Variants in STX18 observed in about 807,000 individuals in gnomAD.
STX18 encodes syntaxin-18.
STX18 carries 40 observed loss-of-function variants against 50.1 expected under a neutral mutation model. That is an observed-to-expected ratio of 0.80 (90% CI 0.62 to 1.04). The LOEUF is 1.04. Ranked by LOEUF, STX18 falls within the 50% of genes least tolerant of loss-of-function variation. The probability of loss-of-function intolerance (pLI) is 0.00; values close to 1 mark genes in which losing one functional copy is unlikely to be tolerated. For missense variants in STX18, 410 were observed against 415.8 expected, an observed-to-expected ratio of 0.99 and a Z score of 0.12; for synonymous variants, 158 against 151.8, an observed-to-expected ratio of 1.04 and a Z score of -0.30.
chr4:4,423,492 C>A, intron 9 of STX18, 26 bp downstream of exon 9: 1 of 1,609,648 alleles, frequency 6.2e-7, no homozygotes, highest in Non-Finnish European at 8.5e-7. Flanking sequence ...TGAAAACATA[C>A]AGCTCCTTTG....
At chr4:4,431,126 A>G (rs1725497007) in intron 7 of STX18, among the ~76,000 whole-genome samples, 1 of 152,072 alleles carries the variant, frequency 6.6e-6, no homozygotes, top group Non-Finnish European at 1.5e-5. Context: ...CAAACAACCC[A>G]CACTATTGTT....
At chr4:4,505,444 A>G (rs28759437) in intron 1 of STX18, among the ~76,000 whole-genome samples, 23,866 of 152,156 alleles carry the variant, frequency 0.16, 1,922 homozygotes, top group Non-Finnish European at 0.18. Flanking sequence ...AGGGAGTGTC[A>G]TACCGCACAT....
At chr4:4,519,977 C>T (rs1026180242) in intron 1 of STX18, among the ~76,000 whole-genome samples, 6 of 152,142 alleles carry the variant, frequency 3.9e-5, no homozygotes, top group African/African-American at 1.4e-4. Context: ...GCAGTAATAA[C>T]AGTAAAACAA....
chr4:4,447,592 CAAAAAAAAAAAAAAAAAAAAAAAAAAAA>C (rs34300930), intron 5 of STX18, among the ~76,000 whole-genome samples: 2 of 45,878 alleles, frequency 4.4e-5, no homozygotes, highest in Non-Finnish European at 8.0e-5. Flanking sequence ...CTCCGTCTCA[CAAAAAAAAAAAAAAAAAAAAAAAAAAAA>C]AAAAAAAAAA....
intron 1 of STX18, among the ~76,000 whole-genome samples, chr4:4,520,270 G>A (rs1189301634): frequency 6.6e-6 from 1 of 152,198 alleles, no homozygotes; most frequent in Non-Finnish European, 1.5e-5. Context: ...ATAGGGTGCT[G>A]TTAAGGAGTA....
intron 6 of STX18, among the ~76,000 whole-genome samples, chr4:4,436,324 G>T (rs999780971): frequency 2.0e-5 from 3 of 152,148 alleles, no homozygotes; most frequent in Non-Finnish European, 4.4e-5. Flanking sequence ...TAAAAGGTTG[G>T]CTAAAAGTAT....
intron 1 of STX18, among the ~76,000 whole-genome samples, chr4:4,495,378 C>A (rs1474662241): frequency 6.6e-6 from 1 of 151,606 alleles, no homozygotes; most frequent in Non-Finnish European, 1.5e-5. Flanking sequence ...TCCTGTCTTT[C>A]TTCTCTCTCT....
chr4:4,511,769 T>C (rs1339012053), intron 1 of STX18, among the ~76,000 whole-genome samples: 3 of 148,774 alleles, frequency 2.0e-5, no homozygotes, highest in Non-Finnish European at 4.5e-5. Context: ...TGTATGCCCC[T>C]AGGTTAAGGT....
At chr4:4,485,945 G>A (rs1728681641) in intron 1 of STX18, among the ~76,000 whole-genome samples, 1 of 152,088 alleles carries the variant, frequency 6.6e-6, no homozygotes, top group Non-Finnish European at 1.5e-5. Context: ...AGAATTCCAT[G>A]AGCAGCCTAT....
At chr4:4,480,877 G>A (rs1004663650) in intron 1 of STX18, among the ~76,000 whole-genome samples, 13 of 152,264 alleles carry the variant, frequency 8.5e-5, no homozygotes, top group Admixed American at 2.6e-4. Context: ...GATTAATAAA[G>A]GTTCACCATT....
intron 3 of STX18, among the ~76,000 whole-genome samples, chr4:4,459,060 A>ATG (rs1183386597): frequency 1.4e-5 from 2 of 139,436 alleles, no homozygotes; most frequent in African/African-American, 5.9e-5. Flanking sequence ...ACACACACAC[A>ATG]CGCACACACA....
At chr4:4,538,661 T>C (rs991303634) in intron 1 of STX18, among the ~76,000 whole-genome samples, 1 of 152,184 alleles carries the variant, frequency 6.6e-6, no homozygotes, top group African/African-American at 2.4e-5. Flanking sequence ...GAAGCTACCC[T>C]ACTTAGCTTG....
At chr4:4,516,241 T>C (rs1002397454) in intron 1 of STX18, among the ~76,000 whole-genome samples, 5 of 152,200 alleles carry the variant, frequency 3.3e-5, no homozygotes, top group African/African-American at 1.2e-4. Flanking sequence ...CATTTTATGA[T>C]TGCCTGTAAG....
chr4:4,435,301 TAC>T (rs1491167234), intron 6 of STX18, among the ~76,000 whole-genome samples: 1 of 152,160 alleles, frequency 6.6e-6, no homozygotes, highest in Non-Finnish European at 1.5e-5. Flanking sequence ...TATATATATA[TAC>T]AGGAAGTGAT....
rs6446653 is a variant in STX18 at position 4,507,616 on chromosome 4, T to C, written c.168+34181A>G. On this transcript the variant is annotated intron_variant, in intron 1 of 10. Transcript: ENST00000306200. ...GAGGACTTGATCTTCCCAAGCGAAA[T>C]TGTGGGCAAGAGAATTCACGTGAAC... 2,020 of 767,190 alleles carry C rather than the reference T, an allele frequency of 2.6e-3. 23 individuals carry two copies. The African/African-American group carries it at 0.03, about 11-fold the overall frequency. The allele number at this position is 767,190 out of a possible 1,614,324, so 47.5% of individuals were successfully genotyped here. A position where few individuals can be genotyped will look rare whatever the true frequency, so the allele number is the denominator to read the frequency against.
intron 1 of STX18, among the ~76,000 whole-genome samples, chr4:4,538,612 A>T (rs1656975133): frequency 6.6e-6 from 1 of 152,168 alleles, no homozygotes; most frequent in African/African-American, 2.4e-5. Flanking sequence ...CTGTTTTTTT[A>T]AAATACATAC....
intron 1 of STX18, among the ~76,000 whole-genome samples, chr4:4,525,914 T>A (rs1730729808): frequency 6.6e-6 from 1 of 151,916 alleles, no homozygotes; most frequent in Non-Finnish European, 1.5e-5. Flanking sequence ...ATCAATGGAA[T>A]TTGAGAAAGT....
intron 1 of STX18, among the ~76,000 whole-genome samples, chr4:4,528,665 C>T (rs927333453): frequency 6.6e-6 from 1 of 152,246 alleles, no homozygotes; most frequent in African/African-American, 2.4e-5. Context: ...CTGCATCTTT[C>T]GGATTGAGGC....
chr4:4,499,472 C>T (rs1248791477), intron 1 of STX18: 3 of 984,536 alleles, frequency 3.0e-6, no homozygotes, highest in African/African-American at 1.7e-5. Flanking sequence ...AGAAAAACAG[C>T]ATTTCATATG....
Sources: allele counts gnomAD v4.1 joint callset (sites outside exome capture counted in the v4.1 genomes callset), GRCh38; gene constraint gnomAD v4.1.1; transcripts MANE v1.5; gene names NCBI Gene and HGNC (gene_info 2026-07-23, HGNC 2026-07-21).